NLRC4: variants seen among roughly 807,000 people sequenced by gnomAD.
NLRC4 encodes NLR family CARD domain containing 4, also known as NLR family CARD domain-containing protein 4.
Under a neutral mutation model 79.9 loss-of-function variants are expected in NLRC4, and 63 were observed. The observed-to-expected ratio is 0.79, with a 90% CI of 0.64 to 0.97. The LOEUF is 0.97. Among genes scored for constraint, NLRC4 ranks in the 50% least tolerant of loss-of-function variants. NLRC4 has a pLI of 0.00. For missense variants in NLRC4, 1,074 were observed against 1,215.2 expected (o/e 0.88, Z 1.73); for synonymous variants, 461 against 456.5 (o/e 1.01, Z -0.12).
chr2:32,225,382 GCA>G (rs747003201), intron 8 of NLRC4, among the ~76,000 whole-genome samples: 9 of 147,838 alleles, frequency 6.1e-5, no homozygotes, highest in African/African-American at 7.5e-5. Flanking sequence ...CACAAAGAAT[GCA>G]CACACACACA....
chr2:32,231,409 C>T (rs1430605149), intron 8 of NLRC4, among the ~76,000 whole-genome samples: 1 of 152,078 alleles, frequency 6.6e-6, no homozygotes, highest in Admixed American at 6.5e-5. Flanking sequence ...CCTGCCTCAA[C>T]CTCCCAAAGT....
At chr2:32,261,318 TTTG>T (rs1687344082) in intron 1 of NLRC4, among the ~76,000 whole-genome samples, 2 of 86,214 alleles carry the variant, frequency 2.3e-5, no homozygotes, top group Admixed American at 1.2e-4. Context: ...CCTCCCCCCT[TTTG>T]TTTTTTTTTG....
At chr2:32,230,471 A>AT (rs58666767) in intron 8 of NLRC4, among the ~76,000 whole-genome samples, 6,909 of 126,620 alleles carry the variant, frequency 0.055, 307 homozygotes, top group African/African-American at 0.11. Flanking sequence ...AGCCCCCGCT[A>AT]TTTTTTTTTT....
chr2:32,238,408 C>T (rs1686720769), intron 5 of NLRC4, 106 bp from the exon 6 acceptor site: 5 of 907,030 alleles, frequency 5.5e-6, no homozygotes, highest in Middle Eastern at 4.8e-4. Flanking sequence ...AGAGACCTTG[C>T]CATGTTCTTC....
intron 1 of NLRC4, among the ~76,000 whole-genome samples, chr2:32,261,446 G>T (rs1397466844): frequency 6.7e-6 from 1 of 149,108 alleles, no homozygotes; most frequent in East Asian, 2.1e-4. Context: ...CGAGTAGCTG[G>T]GATTACAGGT....
At chr2:32,231,572 T>TGCCGGGGGGGGG (rs757448591) in intron 8 of NLRC4, among the ~76,000 whole-genome samples, 4 of 59,488 alleles carry the variant, frequency 6.7e-5, no homozygotes, top group African/African-American at 8.0e-5. Context: ...TATTTTTTTT[T>TGCCGGGGGGGGG]GTGGGGGGGG....
At chr2:32,230,944 A>G (rs1257709881) in intron 8 of NLRC4, among the ~76,000 whole-genome samples, 1 of 152,168 alleles carries the variant, frequency 6.6e-6, no homozygotes, top group Non-Finnish European at 1.5e-5. Flanking sequence ...ATGTCTTTTA[A>G]TAAAAAATAA....
chr2:32,251,814 C>T (rs1414073180), intron 3 of NLRC4, among the ~76,000 whole-genome samples: 2 of 152,112 alleles, frequency 1.3e-5, no homozygotes, highest in South Asian at 4.1e-4. Context: ...CTGTTTCCTC[C>T]TTTCCACAAC....
intron 8 of NLRC4, among the ~76,000 whole-genome samples, chr2:32,229,259 G>A (rs1273611374): frequency 1.3e-5 from 2 of 151,392 alleles, no homozygotes; most frequent in Admixed American, 6.6e-5. Flanking sequence ...ATGAAACCTC[G>A]TCTCTACTAA....
chr2:32,252,005 A>G (rs955150875), intron 3 of NLRC4, among the ~76,000 whole-genome samples: 1 of 152,238 alleles, frequency 6.6e-6, no homozygotes, highest in Non-Finnish European at 1.5e-5. Flanking sequence ...TTTATGAAAC[A>G]TAGAATCATG....
intron 4 of NLRC4, among the ~76,000 whole-genome samples, chr2:32,244,716 T>C (rs961219177): frequency 2.0e-5 from 3 of 151,982 alleles, no homozygotes; most frequent in African/African-American, 7.2e-5. Flanking sequence ...CAGTGGCTCA[T>C]ACATATAATC....
rs149561651 is a variant in NLRC4, at chr2:32,241,008, A to G, written c.2350+25T>C. The stretch of plus-strand genomic sequence containing the variant: ...CTCTTATTATCAAACTTACATTGAT[A>G]CAAATATGAGAACAGAAATCTGACC... On this transcript the variant is annotated intron_variant, in intron 5 of 8. Coordinates refer to ENST00000402280, the MANE Select transcript of NLRC4 (RefSeq NM_001199138.2). 8.1e-5 allele frequency: 113 copies of G among 1,387,282 alleles called. No homozygotes were observed. In the East Asian group the frequency reaches 2.0e-3, roughly 24 times the overall value. The allele number at this position is 1,387,282 out of a possible 1,614,324, so 85.9% of individuals were successfully genotyped here. A position where few individuals can be genotyped will look rare whatever the true frequency, so the allele number is the denominator to read the frequency against.
chr2:32,252,257 G>A (rs77853191), intron 3 of NLRC4, among the ~76,000 whole-genome samples, 162 bp downstream of exon 3: 2 of 152,328 alleles, frequency 1.3e-5, no homozygotes, highest in East Asian at 3.9e-4. Context: ...TCTACTATGA[G>A]TTTTTCCTAA....
At chr2:32,264,161 C>T (rs1339647356) in intron 1 of NLRC4, among the ~76,000 whole-genome samples, 1 of 152,056 alleles carries the variant, frequency 6.6e-6, no homozygotes, top group Non-Finnish European at 1.5e-5. Context: ...CCTGGCCGGG[C>T]ACGTTGGCTC....
In NLRC4 at chr2:32,238,595, C is replaced by T. The variant is rs561950995; in HGVS notation, c.2351-293G>A. ...AATGGGCATCAATGTATACTCTTAC[C>T]GTAATTCTTTACATGAATGAAGTCT... On this transcript the variant is annotated intron_variant, in intron 5 of 8. Coordinates refer to ENST00000402280, the MANE Select transcript of NLRC4 (RefSeq NM_001199138.2). Among the ~76,000 whole-genome samples the T allele has an allele frequency of 3.3e-4, 50 of 152,114 alleles. 1 individual carries two copies. The South Asian group carries it at 5.4e-3, about 16-fold the overall frequency.
Position 32,254,613 on chromosome 2 carries a change from G to GTT in NLRC4, c.2-1936_2-1935dup, listed in dbSNP as rs61379576. On this transcript the variant is annotated intron_variant, in intron 2 of 8. Coordinates refer to ENST00000402280, the MANE Select transcript of NLRC4 (RefSeq NM_001199138.2). ...TTCTTCCTGGGCTAGGCTGCTCCTG[G>GTT]TTTTTTTTTTTTTTTTTTTTTTCAG... 4.2e-3 allele frequency among the ~76,000 whole-genome samples: 400 copies of GTT among 95,220 alleles called. 5 individuals carry two copies. Among genetic ancestry groups the GTT allele is most frequent in the African/African-American group, 0.016 (375 of 22,966 alleles). 62.5% of individuals were successfully genotyped at this position (95,220 alleles called of 152,430 possible). A position where few individuals can be genotyped will look rare whatever the true frequency, so the allele number is the denominator to read the frequency against.
chr2:32,227,562 T>C (rs536987714), intron 8 of NLRC4, among the ~76,000 whole-genome samples: 1 of 152,286 alleles, frequency 6.6e-6, no homozygotes, highest in South Asian at 2.1e-4. Context: ...TTTTTCTCCT[T>C]CTCAGCTAGC....
At chr2:32,246,325 G>A (rs1198623911) in intron 4 of NLRC4, among the ~76,000 whole-genome samples, 1 of 152,160 alleles carries the variant, frequency 6.6e-6, no homozygotes, top group East Asian at 1.9e-4. Context: ...GTCATGAGTA[G>A]ATGGTGAGCT....
chr2:32,235,572 G>T lies in NLRC4; in HGVS notation c.2615-4C>A. The T allele has an allele frequency of 6.2e-7, 1 of 1,612,520 alleles. No homozygotes were observed. On this transcript the variant is annotated splice_region_variant and splice_polypyrimidine_tract_variant and intron_variant, in intron 7 of 8. Coordinates refer to ENST00000402280, the MANE Select transcript of NLRC4 (RefSeq NM_001199138.2). ...TCTAGCACGTTCATCCTGTCGACTG[G>T]AAGAAACAAAGAGCAGTTCAGGGAC...
Sources: allele counts gnomAD v4.1 joint callset (sites outside exome capture counted in the v4.1 genomes callset), GRCh38; gene constraint gnomAD v4.1.1; transcripts MANE v1.5; gene names NCBI Gene and HGNC (gene_info 2026-07-23, HGNC 2026-07-21).